The following NRXN1 variants were observed in gnomAD, a reference collection of about 807,000 sequenced individuals.
NRXN1 encodes the protein neurexin 1.
A neutral mutation model predicts 150.9 loss-of-function variants in NRXN1; 39 were observed. That is an observed-to-expected ratio of 0.26 (90% CI 0.20 to 0.34). NRXN1 has a LOEUF of 0.34. Among genes scored for constraint, NRXN1 ranks in the 10% least tolerant of loss-of-function variants. The probability of loss-of-function intolerance (pLI) is 1.00; values close to 1 mark genes in which losing one functional copy is unlikely to be tolerated. For missense variants in NRXN1, 1,815 were observed against 1,949.9 expected (o/e 0.93, Z 1.30); for synonymous variants, 924 against 757.0 (o/e 1.22, Z -3.62).
chr2:50,813,694 T>C (rs1368815484), intron 5 of NRXN1, among the ~76,000 whole-genome samples: 1 of 152,168 alleles, frequency 6.6e-6, no homozygotes, highest in East Asian at 1.9e-4. Flanking sequence ...TGATTGTAGA[T>C]TAAAGATGTG....
rs1172262569 is a variant in NRXN1 at position 50,346,994 on chromosome 2, T to TG, written c.3365-110025dup. The TG allele has an allele frequency of 7.4e-7, 1 of 1,359,412 alleles. No homozygotes were observed. Among genetic ancestry groups the TG allele is most frequent in the Non-Finnish European group, 9.5e-7 (1 of 1,056,840 alleles). The allele number at this position is 1,359,412 out of a possible 1,614,324, so 84.2% of individuals were successfully genotyped here. A position where few individuals can be genotyped will look rare whatever the true frequency, so the allele number is the denominator to read the frequency against. On this transcript the variant is annotated intron_variant, in intron 17 of 22. Coordinates refer to ENST00000401669, the MANE Select transcript of NRXN1 (RefSeq NM_001330078.2). The surrounding 1 kb of genome is among the most constrained non-coding windows in gnomAD (Gnocchi z 5.0). Reference sequence around the variant, plus strand: ...GGCAGCCGCCGCGGGAGGCAAAGTTTGGGGCGCGGGGAGAGGAGAGGGCGC... The same window carrying TG: ...GGCAGCCGCCGCGGGAGGCAAAGTTTGGGGGCGCGGGGAGAGGAGAGGGCGC...
intron 5 of NRXN1, among the ~76,000 whole-genome samples, chr2:50,891,082 C>A (rs561470260): frequency 1.3e-5 from 2 of 152,044 alleles, no homozygotes; most frequent in African/African-American, 4.8e-5. Context: ...ACTCCACAGC[C>A]TCCTCGAAGT....
intron 21 of NRXN1, among the ~76,000 whole-genome samples, chr2:50,026,662 A>G (rs1688327421): frequency 6.6e-6 from 1 of 152,020 alleles, no homozygotes; most frequent in Non-Finnish European, 1.5e-5. Flanking sequence ...TTTTAAAAAA[A>G]TTCTATGCCT....
At chr2:50,785,156 T>C (rs1423048722) in intron 5 of NRXN1, among the ~76,000 whole-genome samples, 1 of 151,362 alleles carries the variant, frequency 6.6e-6, no homozygotes, top group Non-Finnish European at 1.5e-5. Context: ...TGGACATCAG[T>C]AAGCCAGGAA....
At chr2:50,199,207 A>T (rs1222497082) in intron 18 of NRXN1, 1 of 152,152 alleles carries the variant, frequency 6.6e-6, no homozygotes, top group Non-Finnish European at 1.5e-5. Context: ...AGTCAGAAAT[A>T]TGTTTGGAAA....
At chr2:50,191,696 G>T (rs1297294246) in intron 18 of NRXN1, among the ~76,000 whole-genome samples, 1 of 152,162 alleles carries the variant, frequency 6.6e-6, no homozygotes, top group Non-Finnish European at 1.5e-5. Flanking sequence ...AACTTCTTCT[G>T]TTGGACTTTT....
intron 5 of NRXN1, among the ~76,000 whole-genome samples, chr2:50,815,942 T>C (rs190980639): frequency 2.6e-5 from 4 of 152,272 alleles, no homozygotes; most frequent in Admixed American, 2.6e-4. Context: ...AATTAGCTCA[T>C]ATTCTTGGAA....
At chr2:50,202,803 G>A (rs565807714) in intron 18 of NRXN1, among the ~76,000 whole-genome samples, 99 of 152,222 alleles carry the variant, frequency 6.5e-4, no homozygotes, top group Admixed American at 1.7e-3. Flanking sequence ...AGAGAGGAGG[G>A]TTTGAAAATT....
intron 5 of NRXN1, among the ~76,000 whole-genome samples, chr2:50,692,827 T>C (rs1692264033): frequency 6.6e-6 from 1 of 152,144 alleles, no homozygotes; most frequent in Admixed American, 6.6e-5. Context: ...AAGCACCCCA[T>C]CAATCATTGT....
chr2:50,797,280 T>C (rs1171913739), intron 5 of NRXN1, among the ~76,000 whole-genome samples: 1 of 152,156 alleles, frequency 6.6e-6, no homozygotes, highest in African/African-American at 2.4e-5. Context: ...ATATTAGAAA[T>C]GCAGCAACGG....
intron 8 of NRXN1, among the ~76,000 whole-genome samples, chr2:50,598,479 C>T (rs1433253194): frequency 1.3e-5 from 2 of 151,056 alleles, no homozygotes. Context: ...GACTAAATAG[C>T]ATGTGTAAAA....
chr2:50,088,289 T>G (rs1444179075), intron 19 of NRXN1, among the ~76,000 whole-genome samples: 1 of 152,142 alleles, frequency 6.6e-6, no homozygotes, highest in African/African-American at 2.4e-5. Flanking sequence ...TATTTGAAAT[T>G]TTCATGGCTT....
rs72878356 is a variant in NRXN1 at position 50,468,883 on chromosome 2, C to T, written c.3245-3322G>A. Among the ~76,000 whole-genome samples the T allele has an allele frequency of 5.6e-3, 845 of 151,468 alleles. 6 individuals are homozygous for T. The highest frequency in any genetic ancestry group is 0.019 in the African/African-American group (784 of 41,382). On this transcript the variant is annotated intron_variant, in intron 16 of 22. Transcript: ENST00000401669. ...AGTGTTTAATCAATGATAGCTGTCA[C>T]GATTAAACAGAAAATTATTCCTGTA...
chr2:50,173,781 A>C (rs998377855), intron 18 of NRXN1, among the ~76,000 whole-genome samples: 1 of 152,174 alleles, frequency 6.6e-6, no homozygotes, highest in Non-Finnish European at 1.5e-5. Context: ...GGCTTTAAAA[A>C]TTCAGTTGAT....
In NRXN1 at chr2:50,493,136, C is replaced by G. The variant is rs113411210; in HGVS notation, c.3070+2769G>C. On this transcript the variant is annotated intron_variant, in intron 15 of 22. Transcript: ENST00000401669. ...TGTTTTCTTTAATTCTTTAAGAATA[C>G]AATCTATTGACCAAAACAGGTCAAC... Among the ~76,000 whole-genome samples the G allele has an allele frequency of 3.2e-4, 48 of 152,302 alleles. 1 individual carries two copies. Among genetic ancestry groups the G allele is most frequent in the African/African-American group, 1.1e-3 (44 of 41,568 alleles).
intron 5 of NRXN1, among the ~76,000 whole-genome samples, chr2:50,740,536 C>A (rs2105267288): frequency 6.6e-6 from 1 of 152,158 alleles, no homozygotes. Context: ...GTTGTGTGAC[C>A]TAATAAACTG....
At chr2:50,839,218 C>A (rs999481082) in intron 5 of NRXN1, among the ~76,000 whole-genome samples, 2 of 152,144 alleles carry the variant, frequency 1.3e-5, no homozygotes, top group South Asian at 2.1e-4. Context: ...ATTTCTGAAG[C>A]CTTTTTAATC....
intron 12 of NRXN1, among the ~76,000 whole-genome samples, chr2:50,508,590 T>G (rs10176774): frequency 0.038 from 5,804 of 152,128 alleles, 371 homozygotes; most frequent in African/African-American, 0.13. Flanking sequence ...TAGAAATATG[T>G]GCTTTTGAAG....
At chr2:51,007,001 C>A (rs1427337656) in intron 2 of NRXN1, among the ~76,000 whole-genome samples, 2 of 151,902 alleles carry the variant, frequency 1.3e-5, no homozygotes, top group Non-Finnish European at 2.9e-5. Flanking sequence ...AGAGCAGTGA[C>A]CTGCCTATCT....
Sources: allele counts gnomAD v4.1 joint callset (sites outside exome capture counted in the v4.1 genomes callset), GRCh38; gene constraint gnomAD v4.1.1; non-coding constraint Gnocchi (gnomAD v3.1); transcripts MANE v1.5; gene names NCBI Gene and HGNC (gene_info 2026-07-23, HGNC 2026-07-21).